SDHAF4: variants seen among roughly 807,000 people sequenced by gnomAD.
The protein encoded by SDHAF4 is succinate dehydrogenase assembly factor 4, mitochondrial.
A neutral mutation model predicts 14.3 loss-of-function variants in SDHAF4; 14 were observed. That is an observed-to-expected ratio of 0.98 (90% CI 0.65 to 1.53). The LOEUF (loss-of-function observed/expected upper bound fraction) is 1.53, where lower values mean the gene tolerates loss of function less well. Among genes scored for constraint, SDHAF4 ranks in the 40% most tolerant of loss-of-function variants. The probability of loss-of-function intolerance (pLI) is 0.00; values close to 1 mark genes in which losing one functional copy is unlikely to be tolerated. For missense variants in SDHAF4, 141 were observed against 129.3 expected (o/e 1.09, Z -0.44); for synonymous variants, 63 against 47.3 (o/e 1.33, Z -1.36).
Position 70,586,787 on chromosome 6 carries a change from A to T in SDHAF4, c.218-1828A>T, listed in dbSNP as rs143197900. 2.6e-5 allele frequency among the ~76,000 whole-genome samples: 4 copies of T among 152,326 alleles called. No homozygotes were observed. The East Asian group carries it at 7.7e-4, about 29-fold the overall frequency. Reference sequence around the variant, plus strand: ...ATTTTAAAAATATACTAAATTACTGATAATTGCTGAAGATAATGTAAATGT... The same window carrying T: ...ATTTTAAAAATATACTAAATTACTGTTAATTGCTGAAGATAATGTAAATGT... On this transcript the variant is annotated intron_variant, in intron 2 of 2. Coordinates refer to ENST00000370474, the MANE Select transcript of SDHAF4 (RefSeq NM_145267.3).
chr6:70,579,537 A>T lies in SDHAF4; in HGVS notation c.188A>T (p.Asp63Val), dbSNP rs1033492422. 1 of 1,609,148 alleles carries T rather than the reference A, an allele frequency of 6.2e-7. No individual in the cohort carries two copies. Among genetic ancestry groups the T allele is most frequent in the Middle Eastern group, 1.7e-4 (1 of 6,050 alleles). Residue 63 changes from aspartate (D) to valine (V), a missense_variant, in exon 2 of 3, where the codon GAT becomes GTT. Physicochemically the swap from Asp to Val is radical, Grantham distance 152. Transcript: ENST00000370474. ...GAAGGTCGTTTTGATGCACCAGAGG[A>T]TTCCCATTTAGAGAAAGAACCACTG... is the stretch of plus-strand genomic sequence containing the variant. ...LPEGRFDAPE[D>V]SHLEKEPLEK...
the SDHAF4 span, among the ~76,000 whole-genome samples, chr6:70,597,164 C>T: frequency 3.9e-5 from 6 of 152,148 alleles, no homozygotes; most frequent in East Asian, 5.8e-4. Context: ...GAGTGAGCCT[C>T]GCTCTGTCAC....
intron 2 of SDHAF4, among the ~76,000 whole-genome samples, chr6:70,581,427 C>T (rs558736501): frequency 1.6e-4 from 24 of 152,262 alleles, no homozygotes; most frequent in African/African-American, 5.8e-4. Context: ...ACCTACCATC[C>T]CTTAGAAATT....
rs185475494 is a variant in SDHAF4, at chr6:70,582,597, C to T, written c.217+3031C>T. On this transcript the variant is annotated intron_variant, in intron 2 of 2. Transcript: ENST00000370474. ...CTGATCTCATATCCTCCTCTTCCTT[C>T]GGGATTTCCAGTCCACCCCATCTAC... 1.8e-4 allele frequency among the ~76,000 whole-genome samples: 27 copies of T among 152,318 alleles called. No homozygotes were observed. In the East Asian group the frequency reaches 5.0e-3, roughly 28 times the overall value.
downstream of SDHAF4, chr6:70,589,584 C>T (rs557149182): frequency 1.1e-3 from 165 of 152,218 alleles, 2 homozygotes; most frequent in African/African-American, 3.7e-3. Flanking sequence ...TGTGTTGCTG[C>T]GTGCTAGGGG....
At chr6:70,591,395 A>G, downstream of SDHAF4, among the ~76,000 whole-genome samples, 1 of 135,880 alleles carries the variant, frequency 7.4e-6, no homozygotes, top group Non-Finnish European at 1.5e-5. Context: ...ACAGTGGCAC[A>G]ATCTCCACTC....
intron 1 of SDHAF4, among the ~76,000 whole-genome samples, chr6:70,574,329 GAAAA>G (rs113017217): frequency 0.11 from 15,418 of 143,726 alleles, 2,584 homozygotes; most frequent in African/African-American, 0.36. Context: ...CAAAAAAAAA[GAAAA>G]AAAAAAAAGA....
chr6:70,580,117 C>T (rs1215371060), intron 2 of SDHAF4, among the ~76,000 whole-genome samples: 3 of 151,210 alleles, frequency 2.0e-5, no homozygotes, highest in African/African-American at 4.9e-5. Flanking sequence ...GTGTAGAACT[C>T]CAGTAATCTA....
intron 1 of SDHAF4, among the ~76,000 whole-genome samples, chr6:70,574,223 G>A (rs541076017): frequency 6.6e-6 from 1 of 152,134 alleles, no homozygotes; most frequent in African/African-American, 2.4e-5. Flanking sequence ...GGGAGGCTGA[G>A]GCAGGAGAAT....
At chr6:70,584,444 T>A (rs1281140659) in intron 2 of SDHAF4, among the ~76,000 whole-genome samples, 1 of 152,236 alleles carries the variant, frequency 6.6e-6, no homozygotes, top group Non-Finnish European at 1.5e-5. Flanking sequence ...CTGTTCTCTA[T>A]CACTGTAGTT....
the SDHAF4 span, among the ~76,000 whole-genome samples, chr6:70,594,929 T>A: frequency 2.8e-5 from 4 of 144,914 alleles, no homozygotes; most frequent in African/African-American, 5.1e-5. Context: ...AAAAAAAAAA[T>A]CATTTTTTAA....
At chr6:70,593,847 G>A (rs550224952), downstream of SDHAF4, among the ~76,000 whole-genome samples, 15 of 151,870 alleles carry the variant, frequency 9.9e-5, no homozygotes, top group Middle Eastern at 3.4e-3. Context: ...ACCTTCCACC[G>A]TGCCTGGCTA....
Position 70,588,856 on chromosome 6 carries a change from T to TATATATATATATA in SDHAF4, c.*132_*133insATATATATATATA, listed in dbSNP as rs1554183414. 25 of 324,942 alleles carry TATATATATATATA rather than the reference T, an allele frequency of 7.7e-5. 2 individuals carry two copies. The highest frequency in any genetic ancestry group is 8.6e-5 in the Non-Finnish European group (15 of 174,362). The allele number at this position is 324,942 out of a possible 1,614,324, so 20.1% of individuals were successfully genotyped here. On this transcript the variant is annotated 3_prime_UTR_variant, in exon 3 of 3. Transcript: ENST00000370474. ...TAATGTGTTTAAATATATATATATATGATGGCTTTGGAAGAAAATATGCTG... is the reference window on the plus strand; with the variant it reads ...TAATGTGTTTAAATATATATATATATATATATATATATAGATGGCTTTGGAAGAAAATATGCTG...
chr6:70,573,512 C>T (rs1000422459), intron 1 of SDHAF4, among the ~76,000 whole-genome samples: 2 of 151,640 alleles, frequency 1.3e-5, no homozygotes, highest in African/African-American at 4.8e-5. Flanking sequence ...GATCCACCTG[C>T]CTCAGCCTCC....
intron 1 of SDHAF4, among the ~76,000 whole-genome samples, chr6:70,574,351 G>T (rs1802224122): frequency 6.6e-6 from 1 of 151,742 alleles, no homozygotes; most frequent in African/African-American, 2.4e-5. Flanking sequence ...AGATGCTTAG[G>T]GATTTTTGGA....
At chr6:70,579,335 CAAAT>C (rs1346677180) in intron 1 of SDHAF4, 75 bp from the exon 2 acceptor site, 9 of 1,164,524 alleles carry the variant, frequency 7.7e-6, no homozygotes, top group Admixed American at 3.1e-5. Flanking sequence ...AAACTAAAAA[CAAAT>C]AAATAAAATT....
chr6:70,580,419 C>T (rs150111560), intron 2 of SDHAF4, among the ~76,000 whole-genome samples: 1 of 152,274 alleles, frequency 6.6e-6, no homozygotes, highest in African/African-American at 2.4e-5. Context: ...AACAGTATGG[C>T]CGTTCCTCAA....
At chr6:70,578,173 T>G (rs186890227) in intron 1 of SDHAF4, among the ~76,000 whole-genome samples, 26 of 152,372 alleles carry the variant, frequency 1.7e-4, no homozygotes, top group Admixed American at 1.7e-3. Flanking sequence ...GTGGCTGAAC[T>G]AAGATACATT....
At chr6:70,582,768 G>A (rs1230706551) in intron 2 of SDHAF4, among the ~76,000 whole-genome samples, 2 of 152,046 alleles carry the variant, frequency 1.3e-5, no homozygotes, top group East Asian at 1.9e-4. Flanking sequence ...TACCAGTAGG[G>A]CCCAAATTCA....
Sources: allele counts gnomAD v4.1 joint callset (sites outside exome capture counted in the v4.1 genomes callset), GRCh38; gene constraint gnomAD v4.1.1; transcripts MANE v1.5; gene names NCBI Gene and HGNC (gene_info 2026-07-23, HGNC 2026-07-21).